DAPK2: variants seen among roughly 807,000 people sequenced by gnomAD.
DAPK2 encodes death-associated protein kinase 2.
A neutral mutation model predicts 44.1 loss-of-function variants in DAPK2; 35 were observed. The observed-to-expected ratio is 0.79, with a 90% CI of 0.61 to 1.05. The LOEUF is 1.05. DAPK2 is among the 50% of genes least tolerant of loss of function. DAPK2 has a pLI of 0.00. For synonymous variants in DAPK2, 174 were observed against 182.6 expected (o/e 0.95, Z 0.38); for missense variants, 453 against 483.2 (o/e 0.94, Z 0.59).
chr15:63,973,908 C>G (rs1206458952), intron 2 of DAPK2, among the ~76,000 whole-genome samples: 2 of 152,156 alleles, frequency 1.3e-5, no homozygotes, highest in Non-Finnish European at 2.9e-5. Flanking sequence ...TCATTACCTA[C>G]AAAAGAAGCA....
chr15:64,004,512 G>A (rs16947665), intron 1 of DAPK2, among the ~76,000 whole-genome samples: 5,988 of 152,208 alleles, frequency 0.039, 407 homozygotes, highest in African/African-American at 0.14. Context: ...GCCTGGATGG[G>A]GCAGCTTGGT....
intron 1 of DAPK2, among the ~76,000 whole-genome samples, chr15:63,984,386 C>T (rs2078614942): frequency 6.6e-6 from 1 of 152,186 alleles, no homozygotes; most frequent in South Asian, 2.1e-4. Flanking sequence ...CATTATTATT[C>T]CCCTTCAGGC....
intron 3 of DAPK2, among the ~76,000 whole-genome samples, chr15:63,960,146 G>T (rs1392804378): frequency 5.3e-5 from 8 of 152,194 alleles, no homozygotes; most frequent in Non-Finnish European, 8.8e-5. Context: ...TTGCGTAGAG[G>T]TGTTTATAGT....
intron 1 of DAPK2, among the ~76,000 whole-genome samples, chr15:64,024,308 AAGTGATCCTCG>A (rs1252806964): frequency 6.6e-6 from 1 of 152,160 alleles, no homozygotes; most frequent in Non-Finnish European, 1.5e-5. Context: ...CGAAGGAGGA[AAGTGATCCTCG>A]AGTTGCAAGG....
exon 7 of DAPK2, chr15:63,926,053 C>T: frequency 6.2e-7 from 1 of 1,613,588 alleles, no homozygotes; most frequent in South Asian, 1.1e-5. Flanking sequence ...GCCAGTGTTT[C>T]CTGCTTCGTG....
At chr15:63,922,634 C>A in intron 8 of DAPK2, 2 of 1,436,702 alleles carry the variant, frequency 1.4e-6, no homozygotes, top group Non-Finnish European at 1.8e-6. Flanking sequence ...ACTACAGACA[C>A]ACACCCCTGC....
chr15:64,041,283 C>A (rs918779050), upstream of DAPK2, among the ~76,000 whole-genome samples: 1 of 152,194 alleles, frequency 6.6e-6, no homozygotes. Context: ...GCTCTGTGAT[C>A]TCCTTTCTTG....
intron 3 of DAPK2, among the ~76,000 whole-genome samples, chr15:63,944,654 C>T (rs1200100167): frequency 6.6e-6 from 1 of 152,204 alleles, no homozygotes; most frequent in Non-Finnish European, 1.5e-5. Flanking sequence ...AATGATTTGC[C>T]AAGGTGCAAC....
chr15:64,042,894 C>A (rs575264900), upstream of DAPK2, among the ~76,000 whole-genome samples: 9 of 152,356 alleles, frequency 5.9e-5, no homozygotes, highest in African/African-American at 7.2e-5. The surrounding 1 kb of genome is among the most constrained non-coding windows in gnomAD (Gnocchi z 4.7). Flanking sequence ...GATCCTTGCC[C>A]TCCCAAAAAC....
At chr15:63,943,808 AGAG>A (rs1382549553) in intron 3 of DAPK2, among the ~76,000 whole-genome samples, 2 of 152,160 alleles carry the variant, frequency 1.3e-5, no homozygotes, top group Non-Finnish European at 2.9e-5. Flanking sequence ...CCCGGGAAGC[AGAG>A]GCTGCAGTGA....
intron 4 of DAPK2, among the ~76,000 whole-genome samples, chr15:63,933,424 G>A (rs902123581): frequency 6.6e-6 from 1 of 151,832 alleles, no homozygotes; most frequent in African/African-American, 2.4e-5. Context: ...TATATTTTTA[G>A]TAGAGACGGG....
intron 1 of DAPK2, among the ~76,000 whole-genome samples, chr15:63,986,705 G>C (rs2078676828): frequency 6.6e-6 from 1 of 152,148 alleles, no homozygotes. Flanking sequence ...TAGAGCAGTG[G>C]TTCTCAACCC....
chr15:63,947,993 C>T (rs939506563), intron 3 of DAPK2, among the ~76,000 whole-genome samples: 3 of 152,200 alleles, frequency 2.0e-5, no homozygotes, highest in Middle Eastern at 3.4e-3. Flanking sequence ...ACCTGATGGG[C>T]GCAGTGGCTC....
chr15:64,010,032 C>G (rs1023060131), intron 1 of DAPK2, among the ~76,000 whole-genome samples: 1 of 152,166 alleles, frequency 6.6e-6, no homozygotes, highest in Non-Finnish European at 1.5e-5. Context: ...GCCACTGAAA[C>G]AAACTGAGTT....
rs2241934 is a variant in DAPK2 at position 63,908,158 on chromosome 15, C to A, written c.*362G>T. 1,290 of 164,040 alleles carry A rather than the reference C, an allele frequency of 7.9e-3. 73 individuals carry two copies. In the East Asian group the frequency reaches 0.15, roughly 19 times the overall value. 10.2% of individuals were successfully genotyped at this position (164,040 alleles called of 1,614,324 possible). On this transcript the variant is annotated 3_prime_UTR_variant, in exon 11 of 11. Transcript: ENST00000261891. This position sits in a 1 kb window ranked among gnomAD's most constrained non-coding sequence, Gnocchi z 5.7. ...TTTTGGCCAGGCTGGTTCTGAACCC[C>A]CTCAGCCTGTGAAGAAGGCTGCCTT...
chr15:64,002,973 CCTGTGTGTGTGT>C (rs1361359513), intron 1 of DAPK2, among the ~76,000 whole-genome samples: 1 of 75,518 alleles, frequency 1.3e-5, no homozygotes, highest in Non-Finnish European at 2.4e-5. Context: ...TGTCGTGGGA[CCTGTGTGTGTGT>C]GTGTGTGTGT....
intron 3 of DAPK2, among the ~76,000 whole-genome samples, chr15:63,963,728 T>C (rs991575442): frequency 3.9e-5 from 6 of 152,240 alleles, no homozygotes; most frequent in Non-Finnish European, 8.8e-5. Flanking sequence ...GTAGGTTTTT[T>C]GATTTGAGGT....
intron 1 of DAPK2, among the ~76,000 whole-genome samples, chr15:64,009,270 T>C (rs2079320964): frequency 2.0e-5 from 3 of 152,162 alleles, no homozygotes; most frequent in Admixed American, 2.0e-4. Context: ...CCTCCTGAGC[T>C]AGACTTTTAC....
intron 1 of DAPK2, among the ~76,000 whole-genome samples, chr15:64,018,477 A>G (rs1357097469): frequency 2.6e-5 from 4 of 152,196 alleles, no homozygotes; most frequent in Admixed American, 6.5e-5. Context: ...CCTGGATGCC[A>G]CAACCCCACA....
Sources: allele counts gnomAD v4.1 joint callset (sites outside exome capture counted in the v4.1 genomes callset), GRCh38; gene constraint gnomAD v4.1.1; non-coding constraint Gnocchi (gnomAD v3.1); transcripts MANE v1.5; gene names NCBI Gene and HGNC (gene_info 2026-07-23, HGNC 2026-07-21).